The following MAGI2 variants were observed in gnomAD, a reference collection of about 807,000 sequenced individuals.
The protein encoded by MAGI2 is membrane associated guanylate kinase, WW and PDZ domain containing 2.
A neutral mutation model predicts 133.3 loss-of-function variants in MAGI2; 35 were observed. The observed-to-expected ratio is 0.26, with a 90% CI of 0.20 to 0.35. The LOEUF is 0.35. Among genes scored for constraint, MAGI2 ranks in the 10% least tolerant of loss-of-function variants. The pLI, the probability that MAGI2 is intolerant of heterozygous loss-of-function variation, is 1.00. For synonymous variants in MAGI2, 729 were observed against 710.6 expected, an observed-to-expected ratio of 1.03 and a Z score of -0.41; for missense variants, 1,636 against 1,863.4, an observed-to-expected ratio of 0.88 and a Z score of 2.25.
chr7:79,036,643 A>G (rs1811151571), intron 1 of MAGI2, among the ~76,000 whole-genome samples: 1 of 147,296 alleles, frequency 6.8e-6, no homozygotes, highest in African/African-American at 2.6e-5. Flanking sequence ...TTTGAAACAC[A>G]TGTCTGTATT....
chr7:78,422,618 C>T (rs1798903874), intron 6 of MAGI2, among the ~76,000 whole-genome samples: 1 of 150,640 alleles, frequency 6.6e-6, no homozygotes, highest in African/African-American at 2.4e-5. Context: ...GACTGACATG[C>T]ATTTTCTTCT....
chr7:78,781,247 C>T (rs1009710025), intron 2 of MAGI2, among the ~76,000 whole-genome samples: 12 of 151,824 alleles, frequency 7.9e-5, no homozygotes, highest in Non-Finnish European at 4.4e-5. Flanking sequence ...GACATGGTGG[C>T]GGGCGCCTGT....
At position 78,849,760 on chromosome 7, in the gene MAGI2, C is replaced by G. The variant is rs373227118; in HGVS notation, c.418+157330G>C. On this transcript the variant is annotated intron_variant, in intron 2 of 21. Transcript: ENST00000354212. The stretch of plus-strand genomic sequence containing the variant: ...TCTGACACTTAAGATTGATATAATA[C>G]TTAATAATGTCTCAGAAATGATTTT... Among the ~76,000 whole-genome samples, 6 of 151,968 alleles carry G rather than the reference C, an allele frequency of 3.9e-5. No individual in the cohort carries two copies. In the South Asian group the frequency reaches 1.2e-3, roughly 31 times the overall value.
chr7:79,270,359 G>A (rs1834789718), intron 1 of MAGI2, among the ~76,000 whole-genome samples: 1 of 144,420 alleles, frequency 6.9e-6, no homozygotes, highest in South Asian at 2.3e-4. Context: ...GTAGTGGGCG[G>A]GACGAAACTG....
chr7:79,128,368 T>C lies in MAGI2; in HGVS notation c.302-121162A>G, dbSNP rs375915921. 9.2e-5 allele frequency among the ~76,000 whole-genome samples: 14 copies of C among 152,276 alleles called. No individual in the cohort carries two copies. In the East Asian group the frequency reaches 2.5e-3, roughly 27 times the overall value. ...TCAGATAATAACATTACAAACAAAG[T>C]AGTGTGTTTTTGCCACAAGATATAC... On this transcript the variant is annotated intron_variant, in intron 1 of 21. Coordinates refer to ENST00000354212, the MANE Select transcript of MAGI2 (RefSeq NM_012301.4).
intron 3 of MAGI2, among the ~76,000 whole-genome samples, chr7:78,561,927 A>T (rs1383923651): frequency 6.6e-6 from 1 of 152,130 alleles, no homozygotes; most frequent in Non-Finnish European, 1.5e-5. Context: ...AGAAAACCAC[A>T]AGGAGGAGAG....
At chr7:79,424,522 T>A (rs1292743805) in intron 1 of MAGI2, among the ~76,000 whole-genome samples, 1 of 152,082 alleles carries the variant, frequency 6.6e-6, no homozygotes, top group South Asian at 2.1e-4. Flanking sequence ...CAATATATTA[T>A]ATGATCAAAA....
At chr7:78,176,073 C>G (rs920892383) in intron 14 of MAGI2, among the ~76,000 whole-genome samples, 2 of 152,126 alleles carry the variant, frequency 1.3e-5, no homozygotes, top group Admixed American at 1.3e-4. Flanking sequence ...CTGACTCGGT[C>G]ACCTAGGATC....
At chr7:78,239,977 G>A (rs557352230) in intron 10 of MAGI2, among the ~76,000 whole-genome samples, 40 of 150,568 alleles carry the variant, frequency 2.7e-4, no homozygotes, top group African/African-American at 9.3e-4. Flanking sequence ...TTTTCTATTT[G>A]TTTCCTAGAA....
intron 14 of MAGI2, 131 bp downstream of exon 14, chr7:78,177,880 A>AT: frequency 1.7e-6 from 1 of 594,258 alleles, no homozygotes; most frequent in Non-Finnish European, 2.9e-6. Flanking sequence ...GAAAAAAAAA[A>AT]TCCAAAGCTT....
intron 2 of MAGI2, among the ~76,000 whole-genome samples, chr7:78,785,456 T>C (rs1826738970): frequency 6.6e-6 from 1 of 152,232 alleles, no homozygotes; most frequent in Admixed American, 6.5e-5. Context: ...AAAAGCTTTG[T>C]AAAATGAATT....
chr7:79,217,027 C>G (rs1019551376), intron 1 of MAGI2, among the ~76,000 whole-genome samples: 4 of 152,036 alleles, frequency 2.6e-5, no homozygotes, highest in African/African-American at 9.7e-5. Flanking sequence ...TTGTGTTAGA[C>G]AGTTTATGAT....
chr7:79,147,316 T>C (rs545036915), intron 1 of MAGI2, among the ~76,000 whole-genome samples: 3 of 152,340 alleles, frequency 2.0e-5, no homozygotes, highest in African/African-American at 4.8e-5. Context: ...GTAATCATCA[T>C]GGAGTAAATG....
chr7:78,927,210 T>TA (rs2151648056), intron 2 of MAGI2, among the ~76,000 whole-genome samples: 1 of 152,120 alleles, frequency 6.6e-6, no homozygotes, highest in Admixed American at 6.6e-5. Context: ...TATGTAGCCT[T>TA]AGTTGGGCCA....
intron 2 of MAGI2, among the ~76,000 whole-genome samples, chr7:78,745,034 C>T (rs1822792129): frequency 6.6e-6 from 1 of 152,118 alleles, no homozygotes; most frequent in Admixed American, 6.5e-5. Flanking sequence ...AGCACAGGAC[C>T]AAGAGAACTT....
At chr7:79,120,252 A>G (rs1016043348) in intron 1 of MAGI2, among the ~76,000 whole-genome samples, 2 of 152,088 alleles carry the variant, frequency 1.3e-5, no homozygotes, top group African/African-American at 2.4e-5. Context: ...GTTTAAAGCT[A>G]TGTTACATAT....
intron 1 of MAGI2, among the ~76,000 whole-genome samples, chr7:79,101,446 C>G (rs556571262): frequency 6.6e-6 from 1 of 151,978 alleles, no homozygotes; most frequent in African/African-American, 2.4e-5. Flanking sequence ...AAAATGGGGC[C>G]GGGCGCAGTG....
intron 2 of MAGI2, among the ~76,000 whole-genome samples, chr7:78,879,666 C>G (rs1795693724): frequency 6.6e-6 from 1 of 151,822 alleles, no homozygotes; most frequent in South Asian, 2.1e-4. Context: ...AATTCTGTTA[C>G]CATAAAAAAT....
At chr7:78,412,232 C>T (rs1797933804) in intron 6 of MAGI2, among the ~76,000 whole-genome samples, 1 of 152,042 alleles carries the variant, frequency 6.6e-6, no homozygotes, top group South Asian at 2.1e-4. Context: ...TATGAGTTAG[C>T]TTTGGCACTA....
Sources: allele counts gnomAD v4.1 joint callset (sites outside exome capture counted in the v4.1 genomes callset), GRCh38; gene constraint gnomAD v4.1.1; transcripts MANE v1.5; gene names NCBI Gene and HGNC (gene_info 2026-07-23, HGNC 2026-07-21).